The following SGCD variants were observed in gnomAD, a reference collection of about 807,000 sequenced individuals.
The protein encoded by SGCD is sarcoglycan delta.
In SGCD, 18 loss-of-function variants were observed where a neutral mutation model predicts 36.6. That is an observed-to-expected ratio of 0.49 (90% CI 0.34 to 0.73). The LOEUF is 0.73. Among genes scored for constraint, SGCD ranks in the 30% least tolerant of loss-of-function variants. SGCD has a pLI of 0.01. For synonymous variants in SGCD, 133 were observed against 130.6 expected, an observed-to-expected ratio of 1.02 and a Z score of -0.12; for missense variants, 387 against 346.7, an observed-to-expected ratio of 1.12 and a Z score of -0.92.
At chr5:156,408,916 G>C (rs542278035) in intron 3 of SGCD, among the ~76,000 whole-genome samples, 1 of 152,264 alleles carries the variant, frequency 6.6e-6, no homozygotes, top group South Asian at 2.1e-4. Context: ...TATATAAAGG[G>C]GGGTAATAGC....
At chr5:156,609,544 A>G (rs1203478473) in intron 6 of SGCD, among the ~76,000 whole-genome samples, 1 of 151,998 alleles carries the variant, frequency 6.6e-6, no homozygotes, top group African/African-American at 2.4e-5. Context: ...CCTCTCGAGG[A>G]GTATCTTTAT....
At chr5:156,248,661 T>C (rs963769582) in intron 3 of SGCD, among the ~76,000 whole-genome samples, 1 of 152,272 alleles carries the variant, frequency 6.6e-6, no homozygotes, top group Non-Finnish European at 1.5e-5. Context: ...TAGGACTTTA[T>C]TCGAAGACGA....
At chr5:156,226,235 CT>C (rs1371166029) in intron 3 of SGCD, among the ~76,000 whole-genome samples, 1 of 152,056 alleles carries the variant, frequency 6.6e-6, no homozygotes, top group Non-Finnish European at 1.5e-5. Context: ...CCCTTTCCCC[CT>C]GAGTCCGCAA....
intron 7 of SGCD, among the ~76,000 whole-genome samples, chr5:156,649,062 A>G (rs1310857095): frequency 6.6e-6 from 1 of 152,208 alleles, no homozygotes; most frequent in African/African-American, 2.4e-5. Flanking sequence ...ATATGAACAG[A>G]TAATTCTCAA....
At chr5:156,591,106 C>G (rs1184307857) in intron 5 of SGCD, among the ~76,000 whole-genome samples, 1 of 152,054 alleles carries the variant, frequency 6.6e-6, no homozygotes, top group Non-Finnish European at 1.5e-5. Context: ...CTTCAATACT[C>G]TCCTTTTACA....
chr5:155,876,139 G>A (rs1020974635), intron 1 of SGCD, among the ~76,000 whole-genome samples: 3 of 150,128 alleles, frequency 2.0e-5, no homozygotes, highest in Admixed American at 6.7e-5. Flanking sequence ...ATGCTGGTGC[G>A]CTGCACCCAC....
At chr5:155,773,193 T>C in the SGCD span, among the ~76,000 whole-genome samples, 1 of 152,144 alleles carries the variant, frequency 6.6e-6, no homozygotes, top group Non-Finnish European at 1.5e-5. Context: ...ACTTCTGCTG[T>C]AAAAGTGAAG....
the SGCD span, among the ~76,000 whole-genome samples, chr5:155,855,559 T>C: frequency 9.5e-4 from 144 of 152,332 alleles, no homozygotes; most frequent in African/African-American, 3.2e-3. Context: ...GCTTGATATA[T>C]CATTGATGTT....
intron 3 of SGCD, among the ~76,000 whole-genome samples, chr5:156,177,845 T>C (rs1763509556): frequency 6.6e-6 from 1 of 152,198 alleles, no homozygotes; most frequent in South Asian, 2.1e-4. Flanking sequence ...ATGGGCGGCA[T>C]TGACCAATTT....
intron 1 of SGCD, among the ~76,000 whole-genome samples, chr5:155,912,285 T>G (rs1309280114): frequency 2.0e-5 from 3 of 152,062 alleles, no homozygotes; most frequent in Non-Finnish European, 4.4e-5. Context: ...TGAGAAATGG[T>G]AGATGCATTA....
intron 1 of SGCD, among the ~76,000 whole-genome samples, chr5:155,994,774 T>C (rs551739846): frequency 2.6e-5 from 4 of 152,316 alleles, no homozygotes; most frequent in Non-Finnish European, 4.4e-5. Flanking sequence ...TCTTTTGGTC[T>C]GATAGAGTTG....
chr5:156,140,410 T>G (rs999112147), intron 3 of SGCD, among the ~76,000 whole-genome samples: 1 of 152,116 alleles, frequency 6.6e-6, no homozygotes, highest in Non-Finnish European at 1.5e-5. Flanking sequence ...GGTAGAAATG[T>G]GGATGCTGAA....
At position 156,333,823 on chromosome 5, in the gene SGCD, T is replaced by C. The variant is rs1043854954; in HGVS notation, c.3+4244T>C. Reference sequence around the variant, plus strand: ...TTTTTTTTTTTTTTTTTTTTTTTGCTATTTGTCTCTAAGTATTGCTCAAAA... The same window carrying C: ...TTTTTTTTTTTTTTTTTTTTTTTGCCATTTGTCTCTAAGTATTGCTCAAAA... On this transcript the variant is annotated intron_variant, in intron 2 of 8. Coordinates refer to ENST00000337851, the MANE Select transcript of SGCD (RefSeq NM_000337.6). Among the ~76,000 whole-genome samples the C allele has an allele frequency of 6.1e-5, 8 of 130,202 alleles. No individual in the cohort carries two copies. In the South Asian group the frequency reaches 1.9e-3, roughly 31 times the overall value. 85.4% of individuals were successfully genotyped at this position (130,202 alleles called of 152,430 possible).
chr5:156,735,798 G>A lies in SGCD; in HGVS notation c.576-21783G>A, dbSNP rs554246084. Among the ~76,000 whole-genome samples, 5 of 152,268 alleles carry A rather than the reference G, an allele frequency of 3.3e-5. No individual in the cohort carries two copies. In the East Asian group the frequency reaches 9.7e-4, roughly 29 times the overall value. On this transcript the variant is annotated intron_variant, in intron 7 of 8. Transcript: ENST00000337851. ...GGTATCTATGGTGGTCTAACCTCCT[G>A]CTTTGCCAGAGTTGCAGCTACTTGT...
intron 1 of SGCD, among the ~76,000 whole-genome samples, chr5:155,872,067 A>G (rs1218239487): frequency 6.6e-6 from 1 of 152,144 alleles, no homozygotes; most frequent in Non-Finnish European, 1.5e-5. Context: ...TAATGGATTC[A>G]TGGCAGCTAC....
chr5:156,389,793 T>C (rs1771468486), intron 3 of SGCD, among the ~76,000 whole-genome samples: 1 of 152,204 alleles, frequency 6.6e-6, no homozygotes, highest in Non-Finnish European at 1.5e-5. Flanking sequence ...AGATTTCATG[T>C]GACCTTGAGC....
At chr5:156,744,857 G>A (rs547583628) in intron 7 of SGCD, among the ~76,000 whole-genome samples, 14 of 152,190 alleles carry the variant, frequency 9.2e-5, no homozygotes, top group African/African-American at 2.6e-4. Flanking sequence ...GTCAAGTTCC[G>A]TAATCTTTTG....
chr5:156,102,113 G>A (rs1327230494), intron 1 of SGCD, among the ~76,000 whole-genome samples: 1 of 151,730 alleles, frequency 6.6e-6, no homozygotes, highest in Non-Finnish European at 1.5e-5. Flanking sequence ...ACATATTTGT[G>A]GAACAAATGT....
the SGCD span, among the ~76,000 whole-genome samples, chr5:155,748,702 A>G: frequency 3.3e-5 from 5 of 152,324 alleles, no homozygotes; most frequent in South Asian, 2.1e-4. Context: ...GACACCACAA[A>G]GAGACTGAAA....
Sources: gnomAD v4.1 joint callset for allele counts (sites outside exome capture counted in the v4.1 genomes callset) on GRCh38, gnomAD v4.1.1 for gene constraint, MANE v1.5 for transcripts, NCBI Gene and HGNC (gene_info 2026-07-23, HGNC 2026-07-21) for gene names.